The following PKD1L1 variants were observed in gnomAD, a reference collection of about 807,000 sequenced individuals.
The protein encoded by PKD1L1 is polycystin 1 like 1, transient receptor potential channel interacting, also known as polycystin-1-like protein 1.
A neutral mutation model predicts 323.4 loss-of-function variants in PKD1L1; 236 were observed. The ratio of observed to expected loss-of-function variants is 0.73; its 90% CI spans 0.66 to 0.81. The LOEUF (loss-of-function observed/expected upper bound fraction) is 0.81, where lower values mean the gene tolerates loss of function less well. PKD1L1 is among the 40% of genes least tolerant of loss of function. The pLI, the probability that PKD1L1 is intolerant of heterozygous loss-of-function variation, is 0.00. For synonymous variants in PKD1L1, 1,344 were observed against 1,335.0 expected (o/e 1.01, Z -0.15); for missense variants, 3,320 against 3,508.0 (o/e 0.95, Z 1.35).
In PKD1L1 at chr7:47,792,692, T is replaced by C. The variant is rs765427098; in HGVS notation, c.8461A>G (p.Asn2821Asp). Residue 2821 changes from asparagine to aspartate, a missense_variant, in exon 56 of 57, where the codon AAC becomes GAC. Asn to Asp is a conservative substitution (Grantham distance 23). Transcript: ENST00000289672. ...TCTTCTGTCCTTGCCTCCCCTGTGT[T>C]GTTGGATGTTTTTTCCAGAAGGGGG... ...QLPLLEKTSN[N>D]TGEARTEESP... 2.5e-6 allele frequency: 4 copies of C among 1,614,146 alleles called. No individual in the cohort carries two copies. The highest frequency in any genetic ancestry group is 2.5e-6 in the Non-Finnish European group (3 of 1,179,972).
chr7:47,822,451 C>T (rs1785160877), intron 45 of PKD1L1, among the ~76,000 whole-genome samples: 1 of 151,214 alleles, frequency 6.6e-6, no homozygotes, highest in East Asian at 1.9e-4. Flanking sequence ...AAAAAAGAGC[C>T]AGGCATGGTG....
At chr7:47,815,281 G>A in intron 47 of PKD1L1, 53 bp downstream of exon 47, 1 of 1,594,558 alleles carries the variant, frequency 6.3e-7, no homozygotes, top group Non-Finnish European at 8.5e-7. Context: ...TTCACCCACT[G>A]CAAGATAGCT....
In PKD1L1 at chr7:47,843,039, C is replaced by G. The variant is rs757301252; in HGVS notation, c.5368G>C (p.Ala1790Pro). 1 of 1,613,992 alleles carries G rather than the reference C, an allele frequency of 6.2e-7. No homozygotes were observed. The highest frequency in any genetic ancestry group is 1.7e-5 in the Admixed American group (1 of 60,010). ...KKAGYIFLQE[A>P]SLPGHQLYAV... The stretch of plus-strand genomic sequence containing the variant: ...TATAGCTGATGGCCCGGCAGGGAAG[C>G]TTCTTGCAGAAAGATGTAACCAGCT... The change falls in exon 34 of 57, where the codon GCT (alanine) becomes CCT (proline). Residue 1790 changes from alanine to proline, a missense_variant. Ala to Pro is a conservative substitution (Grantham distance 27, BLOSUM62 -1). Transcript: ENST00000289672.
chr7:47,814,848 A>G (rs1420083021), intron 47 of PKD1L1, among the ~76,000 whole-genome samples: 1 of 152,218 alleles, frequency 6.6e-6, no homozygotes, highest in Non-Finnish European at 1.5e-5. Flanking sequence ...GGTTGAAAAT[A>G]AAAGCTGAGC....
In PKD1L1 at chr7:47,839,347, G is replaced by T; in HGVS notation, c.5769+99C>A. 1.1e-6 allele frequency: 1 copy of T among 873,230 alleles called. No homozygotes were observed. The highest frequency in any genetic ancestry group is 1.8e-6 in the Non-Finnish European group (1 of 567,818). 54.1% of individuals were successfully genotyped at this position (873,230 alleles called of 1,614,324 possible). ...AAGAAAAGAGGAATACACTTTAGAA[G>T]AGTTCAAAGACACAACTGTGGCAAG... On this transcript the variant is annotated intron_variant, in intron 36 of 56. Coordinates refer to ENST00000289672, the MANE Select transcript of PKD1L1 (RefSeq NM_138295.5). This position sits in a 1 kb window ranked among gnomAD's most constrained non-coding sequence, Gnocchi z 4.3.
intron 13 of PKD1L1, among the ~76,000 whole-genome samples, chr7:47,899,253 G>A (rs1350644650): frequency 7.9e-5 from 12 of 152,222 alleles, no homozygotes; most frequent in Non-Finnish European, 1.6e-4. Flanking sequence ...CTTCTGGTAT[G>A]ACCCTGGTAG....
intron 52 of PKD1L1, among the ~76,000 whole-genome samples, chr7:47,804,750 G>T (rs191736594): frequency 2.0e-5 from 3 of 152,130 alleles, no homozygotes; most frequent in Non-Finnish European, 4.4e-5. Context: ...CTCCCAAAAT[G>T]CTAGGATTAT....
chr7:47,902,798 T>C (rs539574692), intron 12 of PKD1L1, among the ~76,000 whole-genome samples: 1 of 152,326 alleles, frequency 6.6e-6, no homozygotes, highest in African/African-American at 2.4e-5. Flanking sequence ...GAGGGGCATG[T>C]TGCTTCCTTC....
chr7:47,830,875 T>C (rs1005228491), intron 42 of PKD1L1, among the ~76,000 whole-genome samples: 12 of 152,152 alleles, frequency 7.9e-5, no homozygotes, highest in Admixed American at 7.9e-4. Context: ...CCATGAACAG[T>C]ATATTCTAGC....
rs749176329 is a variant in PKD1L1 at position 47,821,121 on chromosome 7, T to C, written c.6920A>G (p.Gln2307Arg). ...LLCVIYGRFSQDEYSLNQAIR... is the reference protein window; with the variant it reads ...LLCVIYGRFSRDEYSLNQAIR... ...AGCTTGATTGAGGGAGTATTCATCT[T>C]GGGAAAATCTCCCATATATTACACA... Residue 2307 changes from glutamine (Q) to arginine (R), a missense_variant, in exon 46 of 57, where the codon CAA becomes CGA. Gln to Arg is a conservative substitution (Grantham distance 43). Transcript: ENST00000289672. 2 of 1,609,906 alleles carry C rather than the reference T, an allele frequency of 1.2e-6. No individual in the cohort carries two copies. Among genetic ancestry groups the C allele is most frequent in the Admixed American group, 3.3e-5 (2 of 60,024 alleles).
intron 40 of PKD1L1, among the ~76,000 whole-genome samples, chr7:47,833,747 A>G (rs1785398073): frequency 6.6e-6 from 1 of 152,162 alleles, no homozygotes; most frequent in South Asian, 2.1e-4. Flanking sequence ...GTGTGCCCTC[A>G]CAGGTCCCAC....
rs182577531 is a variant in PKD1L1 at position 47,840,031 on chromosome 7, G to T, written c.5553-369C>A. ...ATATCATACATGAAATTTACCAGGA[G>T]AAAAAATAATTTAGCTCAGTCCTTT... On this transcript the variant is annotated intron_variant, in intron 35 of 56. Transcript: ENST00000289672. The surrounding 1 kb of genome is among the most constrained non-coding windows in gnomAD (Gnocchi z 4.1). Among the ~76,000 whole-genome samples the T allele has an allele frequency of 1.3e-5, 2 of 152,256 alleles. No individual in the cohort carries two copies. Among genetic ancestry groups the T allele is most frequent in the Admixed American group, 6.5e-5 (1 of 15,300 alleles).
At chr7:47,822,034 T>C (rs1340616260) in intron 45 of PKD1L1, among the ~76,000 whole-genome samples, 1 of 152,136 alleles carries the variant, frequency 6.6e-6, no homozygotes, top group East Asian at 1.9e-4. Context: ...TTGGATCATC[T>C]TTCTCTCTCT....
chr7:47,848,397 T>C (rs949143754), intron 31 of PKD1L1, among the ~76,000 whole-genome samples: 1 of 152,126 alleles, frequency 6.6e-6, no homozygotes, highest in Non-Finnish European at 1.5e-5. Flanking sequence ...TTTCTAAATA[T>C]GTAATTTAAG....
chr7:47,841,666 G>A (rs1381585871), intron 34 of PKD1L1, among the ~76,000 whole-genome samples: 2 of 152,122 alleles, frequency 1.3e-5, no homozygotes, highest in Non-Finnish European at 1.5e-5. Flanking sequence ...AGGAAAATCG[G>A]CTTTCTCATC....
rs575749253 is a variant in PKD1L1, at chr7:47,946,672, C to T, written c.44+1725G>A. ...ACCCACACACATGTCCTATACCACA[C>T]ACACACACACAGACACTACAGGCCT... On this transcript the variant is annotated intron_variant, in intron 1 of 56. Transcript: ENST00000289672. The surrounding 1 kb of genome is among the most constrained non-coding windows in gnomAD (Gnocchi z 4.1). 8.4e-4 allele frequency among the ~76,000 whole-genome samples: 128 copies of T among 152,132 alleles called. No individual in the cohort carries two copies. Among genetic ancestry groups the T allele is most frequent in the African/African-American group, 3.0e-3 (126 of 41,496 alleles).
rs181390698 is a variant in PKD1L1 at position 47,864,005 on chromosome 7, T to A, written c.4149+1211A>T. On this transcript the variant is annotated intron_variant, in intron 26 of 56. Transcript: ENST00000289672. ...TGATTTCACTAGAGGGATTTTTTTTTAAAATAAGTGAGATTCTAAGCATGT... is the reference window on the plus strand; with the variant it reads ...TGATTTCACTAGAGGGATTTTTTTTAAAAATAAGTGAGATTCTAAGCATGT... Among the ~76,000 whole-genome samples the A allele has an allele frequency of 4.5e-3, 691 of 152,246 alleles. 9 individuals are homozygous for A. The highest frequency in any genetic ancestry group is 0.016 in the African/African-American group (644 of 41,542).
chr7:47,940,185 A>T lies in PKD1L1; in HGVS notation c.285+8T>A, dbSNP rs752817593. ...AGAAAAGCCTAATTTCCCCAGATCC[A>T]GGAATACCTTCTGCCTGGAAGCTGA... is the stretch of plus-strand genomic sequence containing the variant. On this transcript the variant is annotated splice_region_variant and intron_variant, in intron 3 of 56. Transcript: ENST00000289672. 2.5e-6 allele frequency: 4 copies of T among 1,614,186 alleles called. No homozygotes were observed. Among genetic ancestry groups the T allele is most frequent in the East Asian group, 4.5e-5 (2 of 44,892 alleles).
chr7:47,841,861 G>A (rs1278339346), intron 34 of PKD1L1, among the ~76,000 whole-genome samples: 1 of 152,096 alleles, frequency 6.6e-6, no homozygotes, highest in Non-Finnish European at 1.5e-5. Flanking sequence ...AGATTATTTT[G>A]ATGATTTTTT....
Sources: gnomAD v4.1 joint callset for allele counts (sites outside exome capture counted in the v4.1 genomes callset) on GRCh38, gnomAD v4.1.1 for gene constraint, Gnocchi (gnomAD v3.1) non-coding constraint, MANE v1.5 for transcripts, NCBI Gene and HGNC (gene_info 2026-07-23, HGNC 2026-07-21) for gene names.